The following PSME4 variants were observed in gnomAD, a reference collection of about 807,000 sequenced individuals.
PSME4 encodes proteasome activator subunit 4.
A neutral mutation model predicts 253.9 loss-of-function variants in PSME4; 89 were observed. The observed-to-expected ratio is 0.35, with a 90% CI of 0.30 to 0.42. PSME4 has a LOEUF of 0.42. PSME4 is among the 10% of genes least tolerant of loss of function. The pLI is 1.00. For synonymous variants in PSME4, 851 were observed against 759.2 expected (o/e 1.12, Z -1.99); for missense variants, 2,014 against 2,195.2 (o/e 0.92, Z 1.65).
At chr2:53,914,146 G>A (rs1181450658) in intron 20 of PSME4, among the ~76,000 whole-genome samples, 1 of 152,178 alleles carries the variant, frequency 6.6e-6, no homozygotes, top group Non-Finnish European at 1.5e-5. Flanking sequence ...GGAATATTTT[G>A]AGATGAAAAA....
Position 53,888,743 on chromosome 2 carries a change from C to T in PSME4, c.4366G>A (p.Gly1456Arg), listed in dbSNP as rs763490668. The change falls in exon 38 of 47, where the codon GGA becomes AGA. Residue 1456 changes from glycine (G) to arginine (R), a missense_variant. By Grantham distance (125) the Gly-to-Arg change is moderately radical (BLOSUM62 -2). Transcript: ENST00000404125. ...LLLESPLSGEGGSFVDACRLY... is the reference protein window; with the variant it reads ...LLLESPLSGERGSFVDACRLY... Reference sequence around the variant, plus strand: ...TACCATGCATCTACAAAGGATCCTCCTTCACCACTCAATGGTGATTCCAAC... The same window carrying T: ...TACCATGCATCTACAAAGGATCCTCTTTCACCACTCAATGGTGATTCCAAC... 6.2e-7 allele frequency: 1 copy of T among 1,611,880 alleles called. No homozygotes were observed. Among genetic ancestry groups the T allele is most frequent in the Non-Finnish European group, 8.5e-7 (1 of 1,178,316 alleles).
intron 1 of PSME4, among the ~76,000 whole-genome samples, chr2:53,954,896 T>G (rs1245199482): frequency 2.6e-5 from 4 of 151,260 alleles, no homozygotes; most frequent in African/African-American, 9.7e-5. Context: ...AATGCCAAAA[T>G]GAGCGAGACA....
At chr2:53,954,343 G>C (rs529034736) in intron 1 of PSME4, among the ~76,000 whole-genome samples, 1 of 148,018 alleles carries the variant, frequency 6.8e-6, no homozygotes, top group Non-Finnish European at 1.5e-5. Flanking sequence ...AAAAAGGAAA[G>C]AAAGAAAGAC....
At chr2:53,945,579 G>A (rs983148184) in intron 3 of PSME4, among the ~76,000 whole-genome samples, 1 of 152,172 alleles carries the variant, frequency 6.6e-6, no homozygotes, top group African/African-American at 2.4e-5. Context: ...AGGAAGGGAA[G>A]AGAGGAAAGT....
At chr2:53,920,820 T>A in intron 18 of PSME4, 69 bp downstream of exon 18, 2 of 1,293,518 alleles carry the variant, frequency 1.5e-6, no homozygotes, top group Admixed American at 2.2e-5. Context: ...CAAGAAAAAA[T>A]AACACTTTGA....
chr2:53,966,952 C>T lies in PSME4; in HGVS notation c.242+3591G>A, dbSNP rs1480075375. ...TGACCTCGTGATCCGTCTGCCTCGG[C>T]CTCCCAAAGTGCTGGGATTACAGGC... On this transcript the variant is annotated intron_variant, in intron 1 of 46. Coordinates refer to ENST00000404125, the MANE Select transcript of PSME4 (RefSeq NM_014614.3). 2.0e-5 allele frequency among the ~76,000 whole-genome samples: 3 copies of T among 152,148 alleles called. No homozygotes were observed. In the East Asian group the frequency reaches 5.8e-4, roughly 29 times the overall value.
In PSME4 at chr2:53,970,676, G is replaced by C; in HGVS notation, c.109C>G (p.Leu37Val). ...VPQKEIVYNK[L>V]LPYAERLDAE... Reference sequence around the variant, plus strand: ...TCTAGCCGCTCCGCGTAGGGCAGCAGCTTGTTGTAGACGATCTCCTTCTGC... The same window carrying C: ...TCTAGCCGCTCCGCGTAGGGCAGCACCTTGTTGTAGACGATCTCCTTCTGC... Residue 37 changes from leucine to valine, a missense_variant, in exon 1 of 47, where the codon CTG becomes GTG. By Grantham distance (32) the Leu-to-Val change is conservative (BLOSUM62 1). This residue lies in a region of PSME4 where 615 missense variants were observed against 594.4 expected (regional missense o/e 1.03). Transcript: ENST00000404125. 1.3e-6 allele frequency: 2 copies of C among 1,550,174 alleles called. No homozygotes were observed. The highest frequency in any genetic ancestry group is 1.7e-6 in the Non-Finnish European group (2 of 1,146,898).
chr2:53,951,669 T>A (rs1216252061), intron 1 of PSME4, among the ~76,000 whole-genome samples: 1 of 152,200 alleles, frequency 6.6e-6, no homozygotes, highest in African/African-American at 2.4e-5. Context: ...CCAAAACTTT[T>A]TGAGCAACAA....
chr2:53,961,692 G>A (rs1463049226), intron 1 of PSME4, among the ~76,000 whole-genome samples: 3 of 152,064 alleles, frequency 2.0e-5, no homozygotes, highest in Admixed American at 1.3e-4. Context: ...AGGGGGGGAA[G>A]GGGGATGTTT....
chr2:53,958,796 T>C (rs1298865308), intron 1 of PSME4, among the ~76,000 whole-genome samples: 5 of 151,346 alleles, frequency 3.3e-5, no homozygotes, highest in Non-Finnish European at 7.4e-5. Flanking sequence ...GACTAAACTT[T>C]AAAATCTACT....
At chr2:53,893,193 C>G (rs1249702659) in intron 35 of PSME4, among the ~76,000 whole-genome samples, 4 of 151,750 alleles carry the variant, frequency 2.6e-5, no homozygotes, top group Non-Finnish European at 5.9e-5. Flanking sequence ...AGTATCACAC[C>G]TCAAAAAAAG....
intron 1 of PSME4, among the ~76,000 whole-genome samples, chr2:53,970,312 T>C (rs921280209): frequency 6.6e-6 from 1 of 152,068 alleles, no homozygotes; most frequent in African/African-American, 2.4e-5. Flanking sequence ...GAGAAGCAGA[T>C]GCGGAGGACG....
At chr2:53,930,393 T>C (rs938355270) in intron 10 of PSME4, among the ~76,000 whole-genome samples, 1 of 152,092 alleles carries the variant, frequency 6.6e-6, no homozygotes, top group Non-Finnish European at 1.5e-5. Flanking sequence ...AAGTCCCTCC[T>C]CTCCAGGGAG....
At chr2:53,904,180 G>C in intron 26 of PSME4, 24 bp from the exon 27 acceptor site, 1 of 1,588,066 alleles carries the variant, frequency 6.3e-7, no homozygotes, top group Non-Finnish European at 8.6e-7. Flanking sequence ...TATTAACAAA[G>C]GACTTTTATT....
intron 10 of PSME4, among the ~76,000 whole-genome samples, chr2:53,928,652 T>TATGC (rs2104457304): frequency 6.6e-6 from 1 of 152,316 alleles, no homozygotes; most frequent in South Asian, 2.1e-4. Context: ...CTATCACAGG[T>TATGC]ATGCATGCAT....
chr2:53,970,508 C>A, intron 1 of PSME4, 35 bp downstream of exon 1: 1 of 1,547,808 alleles, frequency 6.5e-7, no homozygotes, highest in Non-Finnish European at 8.7e-7. Context: ...TGAGCCTTTC[C>A]CCCCGGCCCG....
intron 10 of PSME4, among the ~76,000 whole-genome samples, chr2:53,930,042 A>C (rs1474430284): frequency 2.0e-5 from 3 of 151,668 alleles, no homozygotes; most frequent in African/African-American, 7.2e-5. Context: ...ATAAATAAAT[A>C]AATAAATAAA....
chr2:53,903,681 A>C (rs141788351), intron 27 of PSME4, among the ~76,000 whole-genome samples: 1 of 152,154 alleles, frequency 6.6e-6, no homozygotes, highest in Non-Finnish European at 1.5e-5. Flanking sequence ...CTACTTGGCC[A>C]CTAGCACTCA....
chr2:53,963,129 C>T (rs990083930), intron 1 of PSME4, among the ~76,000 whole-genome samples: 14 of 151,988 alleles, frequency 9.2e-5, no homozygotes, highest in Admixed American at 8.5e-4. Context: ...AGTTCAAGGC[C>T]AGCCTGAGCA....
Sources: gnomAD v4.1 joint callset for allele counts (sites outside exome capture counted in the v4.1 genomes callset) on GRCh38, gnomAD v4.1.1 for gene constraint, gnomAD v4.1.1 regional missense constraint, MANE v1.5 for transcripts, NCBI Gene and HGNC (gene_info 2026-07-23, HGNC 2026-07-21) for gene names.